The following DHRSX variants were observed in gnomAD, a reference collection of about 807,000 sequenced individuals.
The protein encoded by DHRSX is dehydrogenase/reductase X-linked.
Under a neutral mutation model 34.0 loss-of-function variants are expected in DHRSX, and 31 were observed. The ratio of observed to expected loss-of-function variants is 0.91; its 90% CI spans 0.69 to 1.23. DHRSX has a LOEUF of 1.23. Among genes scored for constraint, DHRSX ranks in the 50% most tolerant of loss-of-function variants. The pLI is 0.00. For synonymous variants in DHRSX, 201 were observed against 183.8 expected (o/e 1.09, Z -0.76); for missense variants, 414 against 428.1 (o/e 0.97, Z 0.29).
At chrX:2,390,206 C>T (rs1197477593) in intron 3 of DHRSX, among the ~76,000 whole-genome samples, 2 of 143,832 alleles carry the variant, frequency 1.4e-5, no homozygotes, top group African/African-American at 2.6e-5. Context: ...TGTAATAGCG[C>T]GATCTCAGCT....
chrX:2,485,792 A>G (rs2044896241), intron 1 of DHRSX, among the ~76,000 whole-genome samples: 1 of 32,920 alleles, frequency 3.0e-5, no homozygotes, highest in Non-Finnish European at 5.7e-5. Context: ...AAGGGAGAGA[A>G]GGGAGAGAAG....
At chrX:2,339,125 ATATAAG>A (rs1427736710) in intron 3 of DHRSX, among the ~76,000 whole-genome samples, 1 of 151,744 alleles carries the variant, frequency 6.6e-6, no homozygotes, top group East Asian at 1.9e-4. Flanking sequence ...GTATCTGGTT[ATATAAG>A]TAAGTTCTTT....
chrX:2,282,559 T>G (rs1200628769), intron 4 of DHRSX, among the ~76,000 whole-genome samples: 1 of 83,168 alleles, frequency 1.2e-5, no homozygotes, highest in Non-Finnish European at 2.6e-5. Context: ...AGGGAGGGTG[T>G]GCGAGAGGGA....
intron 3 of DHRSX, among the ~76,000 whole-genome samples, chrX:2,342,622 GA>G (rs2042654898): frequency 6.6e-6 from 1 of 152,136 alleles, no homozygotes. Flanking sequence ...AGGTCTCCCT[GA>G]ACACTCACGG....
chrX:2,245,733 G>A (rs1421606014), intron 5 of DHRSX, among the ~76,000 whole-genome samples: 3 of 147,032 alleles, frequency 2.0e-5, no homozygotes, highest in Admixed American at 6.9e-5. Context: ...CAAGGCGGGC[G>A]GATCACAAGG....
intron 3 of DHRSX, among the ~76,000 whole-genome samples, chrX:2,322,567 AAAAAG>A (rs1162326815): frequency 6.6e-6 from 1 of 151,788 alleles, no homozygotes; most frequent in African/African-American, 2.4e-5. Context: ...AAAAAAAAAA[AAAAAG>A]AATGAAAGTT....
chrX:2,454,738 C>T (rs2044272111), intron 1 of DHRSX, among the ~76,000 whole-genome samples: 1 of 152,054 alleles, frequency 6.6e-6, no homozygotes, highest in South Asian at 2.1e-4. Context: ...TCATTTCATC[C>T]ATACCTCAAA....
intron 6 of DHRSX, among the ~76,000 whole-genome samples, chrX:2,237,372 G>A (rs2016039982): frequency 6.6e-6 from 1 of 152,106 alleles, no homozygotes; most frequent in Non-Finnish European, 1.5e-5. Context: ...TCATGGTGAA[G>A]TGGGCGCAGT....
At chrX:2,328,821 C>T (rs1270938112) in intron 3 of DHRSX, among the ~76,000 whole-genome samples, 2 of 152,108 alleles carry the variant, frequency 1.3e-5, no homozygotes, top group Non-Finnish European at 2.9e-5. Flanking sequence ...GGTGGTGTTG[C>T]AGAGTACCCC....
chrX:2,312,186 GGAA>G (rs1457616910), intron 3 of DHRSX, among the ~76,000 whole-genome samples: 1 of 152,042 alleles, frequency 6.6e-6, no homozygotes, highest in Non-Finnish European at 1.5e-5. Context: ...GACCAAGCAT[GGAA>G]ATCAAGAGAA....
At chrX:2,400,657 T>C (rs908366704) in intron 3 of DHRSX, among the ~76,000 whole-genome samples, 1 of 152,188 alleles carries the variant, frequency 6.6e-6, no homozygotes, top group Non-Finnish European at 1.5e-5. Context: ...GGACAGGCGA[T>C]GAGGAGGGTG....
At position 2,221,057 on chromosome X, in the gene DHRSX, A is replaced by C; in HGVS notation, c.977T>G (p.Leu326Arg). Residue 326 changes from leucine to arginine, a missense_variant, in exon 7 of 7, where the codon CTT becomes CGT. Coordinates refer to ENST00000334651, the MANE Select transcript of DHRSX (RefSeq NM_145177.3). Reference protein sequence around the residue: ...WSKSCEMTGVLDVTL With the variant: ...WSKSCEMTGVRDVTL Reference sequence around the variant, plus strand: ...GACAGGATATCACAGGGTCACATCAAGGACCCCAGTCATCTCACAACTCTT... The same window carrying C: ...GACAGGATATCACAGGGTCACATCACGGACCCCAGTCATCTCACAACTCTT... 1 of 1,613,868 alleles carries C rather than the reference A, an allele frequency of 6.2e-7. No homozygotes were observed. Among genetic ancestry groups the C allele is most frequent in the Non-Finnish European group, 8.5e-7 (1 of 1,179,806 alleles).
intron 2 of DHRSX, among the ~76,000 whole-genome samples, chrX:2,410,677 A>G (rs1442581990): frequency 6.6e-6 from 1 of 152,220 alleles, no homozygotes; most frequent in Admixed American, 6.5e-5. Flanking sequence ...TAACTATTAG[A>G]ATGCACTTTT....
intron 1 of DHRSX, chrX:2,489,026 T>C: frequency 6.2e-7 from 1 of 1,613,204 alleles, no homozygotes. Flanking sequence ...CACCTGGGCA[T>C]GCCACTCTTC....
intron 3 of DHRSX, among the ~76,000 whole-genome samples, chrX:2,371,212 CT>C: frequency 2.2e-5 from 3 of 138,878 alleles, no homozygotes; most frequent in African/African-American, 7.7e-5. Context: ...ACAGTCCCTT[CT>C]CCCGTTACCG....
chrX:2,481,690 G>A (rs1392566715), intron 1 of DHRSX, among the ~76,000 whole-genome samples: 1 of 152,042 alleles, frequency 6.6e-6, no homozygotes, highest in African/African-American at 2.4e-5. Context: ...TATCCACACT[G>A]CAGCATGGAC....
At chrX:2,486,340 A>G (rs751944474) in intron 1 of DHRSX, 1 of 152,236 alleles carries the variant, frequency 6.6e-6, no homozygotes, top group South Asian at 2.1e-4. Context: ...TAAAAATAAT[A>G]ATAATGATAA....
chrX:2,308,384 C>T (rs748772868), intron 3 of DHRSX, among the ~76,000 whole-genome samples: 1 of 149,450 alleles, frequency 6.7e-6, no homozygotes, highest in Non-Finnish European at 1.5e-5. Context: ...AACAACTGTT[C>T]GACAATTGTT....
chrX:2,469,810 A>C (rs1310970566), intron 1 of DHRSX, among the ~76,000 whole-genome samples: 1 of 152,202 alleles, frequency 6.6e-6, no homozygotes, highest in Non-Finnish European at 1.5e-5. Context: ...GCCACCTTGT[A>C]CATAGTGAAG....
Sources: allele counts gnomAD v4.1 joint callset (sites outside exome capture counted in the v4.1 genomes callset), GRCh38; gene constraint gnomAD v4.1.1; transcripts MANE v1.5; gene names NCBI Gene and HGNC (gene_info 2026-07-23, HGNC 2026-07-21).